The following PPM1L variants were observed in gnomAD, a reference collection of about 807,000 sequenced individuals.
PPM1L encodes the protein protein phosphatase, Mg2+/Mn2+ dependent 1L.
Under a neutral mutation model 31.4 loss-of-function variants are expected in PPM1L, and 13 were observed. The ratio of observed to expected loss-of-function variants is 0.41; its 90% CI spans 0.27 to 0.66. PPM1L has a LOEUF of 0.66. Among genes scored for constraint, PPM1L ranks in the 30% least tolerant of loss-of-function variants. The pLI is 0.29. For synonymous variants in PPM1L, 184 were observed against 175.4 expected, an observed-to-expected ratio of 1.05 and a Z score of -0.39; for missense variants, 326 against 453.7, an observed-to-expected ratio of 0.72 and a Z score of 2.56.
chr3:160,933,204 CTGTT>C (rs893689555), intron 1 of PPM1L, among the ~76,000 whole-genome samples: 1 of 151,940 alleles, frequency 6.6e-6, no homozygotes, highest in Non-Finnish European at 1.5e-5. Flanking sequence ...TGAGTATTAG[CTGTT>C]TGTTGATAGA....
intron 1 of PPM1L, among the ~76,000 whole-genome samples, chr3:160,802,165 T>A (rs913753771): frequency 3.3e-5 from 5 of 152,212 alleles, no homozygotes; most frequent in Admixed American, 1.3e-4. Flanking sequence ...CTCATCTTAG[T>A]CTTTTTGGTT....
chr3:160,835,086 T>TTCTTCTTTC lies in PPM1L; in HGVS notation c.399+78380_399+78381insCTTCTTTCT, dbSNP rs11474788. Reference sequence around the variant, plus strand: ...CTTCTTCTTCTTCTTCTTCTTCTTCTTTCTTTTTTCTTTCTTCTTTCTTCC... The same window carrying TTCTTCTTTC: ...CTTCTTCTTCTTCTTCTTCTTCTTCTTCTTCTTTCTTCTTTTTTCTTTCTTCTTTCTTCC... On this transcript the variant is annotated intron_variant, in intron 1 of 3. Coordinates refer to ENST00000498165, the MANE Select transcript of PPM1L (RefSeq NM_139245.4). Among the ~76,000 whole-genome samples the TTCTTCTTTC allele has an allele frequency of 4.7e-4, 50 of 106,264 alleles. 1 individual carries two copies. The highest frequency in any genetic ancestry group is 1.8e-3 in the African/African-American group (47 of 26,584). The allele number at this position is 106,264 out of a possible 152,430, so 69.7% of individuals were successfully genotyped here.
rs759169758 is a variant in PPM1L at position 161,065,452 on chromosome 3, C to T, written c.624C>T (p.Ala208=). Residue 208 remains alanine (A), a synonymous_variant, in exon 3 of 4, where the codon GCC becomes GCT. Transcript: ENST00000498165. ...TATCAGATAAAGACCTCACTGTGGC[C>T]AACGTGGGTGACTCGCGCGGGGTCC... is the stretch of plus-strand genomic sequence containing the variant. ...ALLSDKDLTV[A]NVGDSRGVLC... 3 of 1,613,948 alleles carry T rather than the reference C, an allele frequency of 1.9e-6. No individual in the cohort carries two copies. The highest frequency in any genetic ancestry group is 4.5e-5 in the East Asian group (2 of 44,892).
intron 1 of PPM1L, among the ~76,000 whole-genome samples, chr3:160,869,718 A>G (rs1357612416): frequency 1.9e-4 from 28 of 150,444 alleles, no homozygotes; most frequent in South Asian, 8.4e-4. Flanking sequence ...GGTGCAATGT[A>G]TGTGTGTGTG....
chr3:160,937,622 AAAAAAAC>A (rs770282407), intron 1 of PPM1L, among the ~76,000 whole-genome samples: 76 of 152,258 alleles, frequency 5.0e-4, no homozygotes, highest in Admixed American at 2.8e-3. Flanking sequence ...TCCGTCTCAA[AAAAAAAC>A]AAAAAACAAA....
At chr3:160,951,712 CA>C (rs1715582094) in intron 1 of PPM1L, among the ~76,000 whole-genome samples, 1 of 152,136 alleles carries the variant, frequency 6.6e-6, no homozygotes, top group Non-Finnish European at 1.5e-5. Context: ...AGGTTCGTCA[CA>C]TTAGGAATTC....
intron 2 of PPM1L, among the ~76,000 whole-genome samples, chr3:161,012,316 C>G (rs28804825): frequency 1.3e-5 from 2 of 151,954 alleles, no homozygotes; most frequent in East Asian, 3.9e-4. Flanking sequence ...ATGCTGGATT[C>G]CATTTATTGA....
chr3:160,867,327 C>CTTTTTTTT lies in PPM1L; in HGVS notation c.400-94399_400-94392dup, dbSNP rs529507709. On this transcript the variant is annotated intron_variant, in intron 1 of 3. Coordinates refer to ENST00000498165, the MANE Select transcript of PPM1L (RefSeq NM_139245.4). ...TTTGGCCTGAAATGAGTTCCATGTT[C>CTTTTTTTT]TTTTTTTTTTTTTTTTTGCATTAGA... Among the ~76,000 whole-genome samples, 6 of 123,906 alleles carry CTTTTTTTT rather than the reference C, an allele frequency of 4.8e-5. 1 individual carries two copies. Among genetic ancestry groups the CTTTTTTTT allele is most frequent in the Non-Finnish European group, 8.3e-5 (5 of 60,020 alleles). 81.3% of individuals were successfully genotyped at this position (123,906 alleles called of 152,430 possible). A position where few individuals can be genotyped will look rare whatever the true frequency, so the allele number is the denominator to read the frequency against.
chr3:160,893,662 G>A (rs1193028106), intron 1 of PPM1L, among the ~76,000 whole-genome samples: 3 of 152,094 alleles, frequency 2.0e-5, no homozygotes, highest in Admixed American at 6.5e-5. Flanking sequence ...CATTTCCAAC[G>A]TGTATTGTAG....
chr3:161,029,648 A>AT (rs939505740), intron 2 of PPM1L, among the ~76,000 whole-genome samples: 15 of 151,798 alleles, frequency 9.9e-5, no homozygotes, highest in Non-Finnish European at 1.6e-4. Context: ...ATCTATTTCC[A>AT]TTTTTTTCTT....
intron 2 of PPM1L, among the ~76,000 whole-genome samples, chr3:160,992,643 G>A (rs993534536): frequency 5.9e-5 from 9 of 152,126 alleles, no homozygotes; most frequent in Admixed American, 5.2e-4. Flanking sequence ...CCATATTCTT[G>A]TCCATTGCAA....
At chr3:161,011,593 T>A in intron 2 of PPM1L, among the ~76,000 whole-genome samples, 1 of 151,730 alleles carries the variant, frequency 6.6e-6, no homozygotes, top group Non-Finnish European at 1.5e-5. Context: ...ATTGAATCTA[T>A]AAATTACCTT....
At chr3:160,760,599 G>A (rs1714945138) in intron 1 of PPM1L, among the ~76,000 whole-genome samples, 1 of 151,734 alleles carries the variant, frequency 6.6e-6, no homozygotes, top group Non-Finnish European at 1.5e-5. Flanking sequence ...GTAAAAAGGA[G>A]CTCGTTATAT....
chr3:161,033,124 C>T (rs1718630693), intron 2 of PPM1L, among the ~76,000 whole-genome samples: 1 of 152,044 alleles, frequency 6.6e-6, no homozygotes, highest in African/African-American at 2.4e-5. Flanking sequence ...CCTAGGAATA[C>T]AACTTACAAG....
At chr3:160,913,174 G>T (rs1409016095) in intron 1 of PPM1L, among the ~76,000 whole-genome samples, 1 of 152,006 alleles carries the variant, frequency 6.6e-6, no homozygotes, top group African/African-American at 2.4e-5. Flanking sequence ...AGAGTTTTAG[G>T]CCCCCCAACA....
At chr3:160,924,217 C>A (rs1320698233) in intron 1 of PPM1L, among the ~76,000 whole-genome samples, 4 of 151,292 alleles carry the variant, frequency 2.6e-5, no homozygotes, top group African/African-American at 9.7e-5. Context: ...CAGTTGCTCC[C>A]ACAGAGCTTG....
chr3:160,842,116 A>G (rs1713900345), intron 1 of PPM1L: 1 of 615,356 alleles, frequency 1.6e-6, no homozygotes, highest in South Asian at 1.9e-5. Context: ...CATAACCAAT[A>G]CAGGGTTTCA....
At chr3:160,870,236 A>T (rs1712254641) in intron 1 of PPM1L, among the ~76,000 whole-genome samples, 1 of 152,152 alleles carries the variant, frequency 6.6e-6, no homozygotes, top group Non-Finnish European at 1.5e-5. Context: ...CATCTTCACC[A>T]CTATGACAAA....
chr3:160,831,383 T>G (rs1713520803), intron 1 of PPM1L, among the ~76,000 whole-genome samples: 1 of 152,202 alleles, frequency 6.6e-6, no homozygotes, highest in Non-Finnish European at 1.5e-5. Flanking sequence ...ATATTTTATT[T>G]TTGTCAGTAA....
Sources: allele counts gnomAD v4.1 joint callset (sites outside exome capture counted in the v4.1 genomes callset), GRCh38; gene constraint gnomAD v4.1.1; transcripts MANE v1.5; gene names NCBI Gene and HGNC (gene_info 2026-07-23, HGNC 2026-07-21).